The following NBEAL2 variants were observed in gnomAD, a reference collection of about 807,000 sequenced individuals.
NBEAL2 encodes the protein neurobeachin-like protein 2.
Under a neutral mutation model 299.8 loss-of-function variants are expected in NBEAL2, and 160 were observed. The ratio of observed to expected loss-of-function variants is 0.53; its 90% CI spans 0.47 to 0.61. The LOEUF is 0.61. Among genes scored for constraint, NBEAL2 ranks in the 20% least tolerant of loss-of-function variants. The probability of loss-of-function intolerance (pLI) is 0.00; values close to 1 mark genes in which losing one functional copy is unlikely to be tolerated. For missense variants in NBEAL2, 3,112 were observed against 3,649.0 expected, an observed-to-expected ratio of 0.85 and a Z score of 3.79; for synonymous variants, 1,493 against 1,542.3, an observed-to-expected ratio of 0.97 and a Z score of 0.75.
chr3:46,998,828 G>A lies in NBEAL2; in HGVS notation c.3333G>A (p.Gln1111=), dbSNP rs1331282542. 1.3e-6 allele frequency: 2 copies of A among 1,574,812 alleles called. No homozygotes were observed. The highest frequency in any genetic ancestry group is 2.7e-5 in the African/African-American group (2 of 74,160). ...LVRSLSADDV[Q]VTQTMLSFLA... ...GGAGTCTCTCAGCAGATGACGTGCA[G>A]GTCACGCAGACCATGCTGAGCTTTT... The change falls in exon 23 of 54, where the codon CAG becomes CAA. Residue 1111 remains glutamine, a synonymous_variant. Transcript: ENST00000450053.
chr3:47,003,701 C>A lies in NBEAL2; in HGVS notation c.5721-115C>A. On this transcript the variant is annotated intron_variant, in intron 35 of 53. Transcript: ENST00000450053. The surrounding 1 kb of genome is among the most constrained non-coding windows in gnomAD (Gnocchi z 7.0). ...TGGACCCTAGGCAGCCCCTCCCCAT[C>A]TCTGGGAGTCATGAGAGTATATACC... is the stretch of plus-strand genomic sequence containing the variant. The A allele has an allele frequency of 7.4e-7, 1 of 1,342,664 alleles. No individual in the cohort carries two copies. Among genetic ancestry groups the A allele is most frequent in the Non-Finnish European group, 1.0e-6 (1 of 1,001,966 alleles). 83.2% of individuals were successfully genotyped at this position (1,342,664 alleles called of 1,614,324 possible).
intron 21 of NBEAL2, 116 bp from the exon 22 acceptor site, chr3:46,998,347 G>A: frequency 6.6e-7 from 1 of 1,511,254 alleles, no homozygotes; most frequent in East Asian, 2.4e-5. Flanking sequence ...CCATGGGGCG[G>A]CTGAGGGGAC....
chr3:47,005,407 T>C, intron 40 of NBEAL2, 82 bp from the exon 41 acceptor site: 2 of 1,572,388 alleles, frequency 1.3e-6, no homozygotes. Flanking sequence ...CACCCCTGGC[T>C]CCCTTCTTCC....
rs1449136083 is a variant in NBEAL2 at position 46,998,089 on chromosome 3, T to C, written c.2981T>C (p.Met994Thr). The change falls in exon 21 of 54, where the codon ATG (methionine) becomes ACG (threonine). Residue 994 changes from methionine (M) to threonine (T), a missense_variant. Transcript: ENST00000450053. ...CAGGTCCCAAGCTGGGCCATGGACA[T>C]GAACGTGCTCATGTCCGCCCAGCTG... is the stretch of plus-strand genomic sequence containing the variant. ...LRKVPSWAMD[M>T]NVLMSAQLLM... 1.3e-6 allele frequency: 2 copies of C among 1,575,410 alleles called. No individual in the cohort carries two copies. The highest frequency in any genetic ancestry group is 3.7e-5 in the Admixed American group (2 of 54,422).
intron 21 of NBEAL2, 23 bp downstream of exon 21, chr3:46,998,249 G>C: frequency 6.2e-7 from 1 of 1,603,808 alleles, no homozygotes; most frequent in South Asian, 1.1e-5. Flanking sequence ...ACCTGAGCAA[G>C]GGGCCGGCCA....
chr3:46,996,139 C>G, intron 15 of NBEAL2, 88 bp downstream of exon 15: 1 of 1,545,488 alleles, frequency 6.5e-7, no homozygotes, highest in African/African-American at 1.4e-5. Context: ...CCTTGTGTCC[C>G]GTGCTGCCCC....
chr3:46,999,937 C>G lies in NBEAL2; in HGVS notation c.3838C>G (p.Arg1280Gly), dbSNP rs779600702. The G allele has an allele frequency of 2.1e-5, 34 of 1,611,666 alleles. No homozygotes were observed. Among genetic ancestry groups the G allele is most frequent in the Non-Finnish European group, 2.9e-5 (34 of 1,179,200 alleles). Residue 1280 changes from arginine (R) to glycine (G), a missense_variant, in exon 27 of 54, where the codon CGA becomes GGA. Arg to Gly is a moderately radical substitution (Grantham distance 125). This residue lies in a region of NBEAL2 where 2,243 missense variants were observed against 2,538.1 expected (regional missense o/e 0.88). Coordinates refer to ENST00000450053, the MANE Select transcript of NBEAL2 (RefSeq NM_015175.3). ...GQPDVVRLLA[R>G]QAGWQDVLTR... is the part of the protein sequence containing the mutation. ...GCCAGATGTAGTGCGGCTTCTGGCCCGACAGGCTGGCTGGCAAGATGTGCT... is the reference window on the plus strand; with the variant it reads ...GCCAGATGTAGTGCGGCTTCTGGCCGGACAGGCTGGCTGGCAAGATGTGCT...
At chr3:46,992,787 G>A (rs766775539) in intron 10 of NBEAL2, among the ~76,000 whole-genome samples, 23 of 152,188 alleles carry the variant, frequency 1.5e-4, no homozygotes, top group Admixed American at 5.2e-4. Flanking sequence ...GGGTCTGGCT[G>A]TGCCAAGCTG....
rs2107391517 is a variant in NBEAL2, at chr3:47,000,767, TCTC to T, written c.4306-230_4306-228del. Among the ~76,000 whole-genome samples, 1 of 152,266 alleles carries T rather than the reference TCTC, an allele frequency of 6.6e-6. No homozygotes were observed. The highest frequency in any genetic ancestry group is 2.1e-4 in the South Asian group (1 of 4,822). The stretch of plus-strand genomic sequence containing the variant: ...TGCTTGTTCTATGTGAACTGCCTCA[TCTC>T]CTCTTGGGAGTCTGGCAAGACCCCA... On this transcript the variant is annotated intron_variant, in intron 27 of 53. Coordinates refer to ENST00000450053, the MANE Select transcript of NBEAL2 (RefSeq NM_015175.3). This position sits in a 1 kb window ranked among gnomAD's most constrained non-coding sequence, Gnocchi z 4.5.
At chr3:46,994,886 T>TAG (rs888732318) in intron 12 of NBEAL2, 146 bp from the exon 13 acceptor site, 1 of 1,216,778 alleles carries the variant, frequency 8.2e-7, no homozygotes, top group Non-Finnish European at 1.1e-6. Flanking sequence ...CCCTCTGACT[T>TAG]TCCTGAGCCT....
intron 9 of NBEAL2, 67 bp downstream of exon 9, chr3:46,992,013 C>G (rs890331797): frequency 2.1e-5 from 29 of 1,354,846 alleles, no homozygotes; most frequent in Non-Finnish European, 3.0e-5. Flanking sequence ...CGCATAGGTG[C>G]CAGGCTGCTG....
Position 47,008,315 on chromosome 3 carries a change from C to T in NBEAL2, c.7752C>T (p.Arg2584=), listed in dbSNP as rs370823987. The T allele has an allele frequency of 1.2e-5, 19 of 1,613,254 alleles. No individual in the cohort carries two copies. Among genetic ancestry groups the T allele is most frequent in the Admixed American group, 1.7e-5 (1 of 59,872 alleles). ...CTGTGATCATACACACTGTACGCCG[C>T]GGACAGTTTGTAGCGGCACTACGGC... is the stretch of plus-strand genomic sequence containing the variant. ...DGTVIIHTVR[R]GQFVAALRPL... The change falls in exon 51 of 54, where the codon CGC becomes CGT. Residue 2584 remains arginine, a synonymous_variant. Transcript: ENST00000450053.
chr3:46,998,339 AT>A (rs2036665478), intron 21 of NBEAL2, 113 bp downstream of exon 21: 13 of 1,517,068 alleles, frequency 8.6e-6, no homozygotes, highest in Non-Finnish European at 1.2e-5. Flanking sequence ...CCAGAATGCC[AT>A]GGGGCGGCTG....
chr3:47,004,810 G>C lies in NBEAL2; in HGVS notation c.6295-162G>C. On this transcript the variant is annotated intron_variant, in intron 38 of 53. Coordinates refer to ENST00000450053, the MANE Select transcript of NBEAL2 (RefSeq NM_015175.3). The surrounding 1 kb of genome is among the most constrained non-coding windows in gnomAD (Gnocchi z 5.0). ...GCCTCTATTCCTCAAAAGGAATCCT[G>C]TTCCAGGACACTCTGTCCTTCTCCC... 8.4e-7 allele frequency: 1 copy of C among 1,187,166 alleles called. No individual in the cohort carries two copies. Among genetic ancestry groups the C allele is most frequent in the African/African-American group, 1.5e-5 (1 of 65,764 alleles). 73.5% of individuals were successfully genotyped at this position (1,187,166 alleles called of 1,614,324 possible). A position where few individuals can be genotyped will look rare whatever the true frequency, so the allele number is the denominator to read the frequency against.
Position 46,998,759 on chromosome 3 carries a change from C to G in NBEAL2, c.3264C>G (p.Thr1088=). 4 of 1,580,358 alleles carry G rather than the reference C, an allele frequency of 2.5e-6. No homozygotes were observed. Among genetic ancestry groups the G allele is most frequent in the Non-Finnish European group, 3.4e-6 (4 of 1,163,346 alleles). The change falls in exon 23 of 54, where the codon ACC becomes ACG. Residue 1088 remains threonine, a synonymous_variant. Coordinates refer to ENST00000450053, the MANE Select transcript of NBEAL2 (RefSeq NM_015175.3). ...CCCTGGCTGCTGACGACCTACGCAC[C>G]GTGCAGACCTCCCTCCTGGGCCTGG... is the stretch of plus-strand genomic sequence containing the variant. The part of the protein sequence containing the change: ...ERPLAADDLR[T]VQTSLLGLAR...
rs1490445262 is a variant in NBEAL2, at chr3:47,005,056, G to A, written c.6379G>A (p.Gly2127Ser). The A allele has an allele frequency of 3.7e-6, 6 of 1,613,638 alleles. No individual in the cohort carries two copies. The highest frequency in any genetic ancestry group is 5.1e-6 in the Non-Finnish European group (6 of 1,179,844). The change falls in exon 39 of 54, where the codon GGT becomes AGT. Residue 2127 changes from glycine to serine, a missense_variant. Physicochemically the swap from Gly to Ser is moderately conservative, Grantham distance 56. This residue lies in a region of NBEAL2 where 521 missense variants were observed against 729.6 expected (regional missense o/e 0.71). Coordinates refer to ENST00000450053, the MANE Select transcript of NBEAL2 (RefSeq NM_015175.3). The stretch of plus-strand genomic sequence containing the variant: ...CTTCCGGGACCTGTCTAAGCCCATC[G>A]GTGTGGTGAACCCCAAGCATGCCCA... ...AVFRDLSKPI[G>S]VVNPKHAQLV... is the part of the protein sequence containing the mutation.
At position 46,995,293 on chromosome 3, in the gene NBEAL2, C is replaced by G; in HGVS notation, c.1558C>G (p.Leu520Val). 1.3e-6 allele frequency: 2 copies of G among 1,572,278 alleles called. No individual in the cohort carries two copies. Among genetic ancestry groups the G allele is most frequent in the Non-Finnish European group, 8.6e-7 (1 of 1,159,370 alleles). Residue 520 changes from leucine (L) to valine (V), a missense_variant, in exon 13 of 54, where the codon CTA (leucine) becomes GTA (valine). Transcript: ENST00000450053. The stretch of plus-strand genomic sequence containing the variant: ...CTGCCAAGAGCAGCTGCTGGCACTG[C>G]TACAAGCACTGGGCCGTGTATCAAT... ...ARCQEQLLAL[L>V]QALGRVSIRP...
Position 47,007,752 on chromosome 3 carries a change from T to A in NBEAL2, c.7507+55T>A, listed in dbSNP as rs1368870888. On this transcript the variant is annotated intron_variant, in intron 48 of 53. Coordinates refer to ENST00000450053, the MANE Select transcript of NBEAL2 (RefSeq NM_015175.3). ...GAGGCACACAGGTATGGGGCCGGGT[T>A]CTGAGGCTGGCCAGGGCGGATGTGA... 5 of 1,609,128 alleles carry A rather than the reference T, an allele frequency of 3.1e-6. No individual in the cohort carries two copies. In the Admixed American group the frequency reaches 8.4e-5, roughly 27 times the overall value.
At chr3:47,007,491 C>T (rs2037538362) in intron 47 of NBEAL2, 34 bp from the exon 48 acceptor site, 1 of 1,593,674 alleles carries the variant, frequency 6.3e-7, no homozygotes, top group Admixed American at 1.7e-5. Context: ...TCCATGTGGC[C>T]TGGCCTCACT....
Sources: gnomAD v4.1 joint callset for allele counts (sites outside exome capture counted in the v4.1 genomes callset) on GRCh38, gnomAD v4.1.1 for gene constraint, gnomAD v4.1.1 regional missense constraint, Gnocchi (gnomAD v3.1) non-coding constraint, MANE v1.5 for transcripts, NCBI Gene and HGNC (gene_info 2026-07-23, HGNC 2026-07-21) for gene names.